Variants in FMNL3 observed in about 807,000 individuals in gnomAD.
FMNL3 encodes formin-like protein 3.
In FMNL3, 57 loss-of-function variants were observed where a neutral mutation model predicts 119.6. The observed-to-expected ratio is 0.48, with a 90% CI of 0.39 to 0.59. The LOEUF (loss-of-function observed/expected upper bound fraction) is 0.59. Among genes scored for constraint, FMNL3 ranks in the 20% least tolerant of loss-of-function variants. The probability of loss-of-function intolerance (pLI) is 0.00; values close to 1 mark genes in which losing one functional copy is unlikely to be tolerated. For missense variants in FMNL3, 1,053 were observed against 1,323.5 expected, an observed-to-expected ratio of 0.80 and a Z score of 3.17; for synonymous variants, 491 against 507.3, an observed-to-expected ratio of 0.97 and a Z score of 0.43.
intron 21 of FMNL3, 143 bp downstream of exon 21, chr12:49,648,886 C>G: frequency 1.5e-6 from 2 of 1,306,430 alleles, no homozygotes; most frequent in Non-Finnish European, 2.0e-6. Context: ...GCTTAAGGCT[C>G]CAGCGGAAAG....
rs752761480 is a variant in FMNL3 at position 49,649,451 on chromosome 12, G to A, written c.2304+19C>T. 1.4e-5 allele frequency: 23 copies of A among 1,613,850 alleles called. No individual in the cohort carries two copies. In the South Asian group the frequency reaches 1.4e-4, roughly 10 times the overall value. On this transcript the variant is annotated intron_variant, in intron 19 of 25. Transcript: ENST00000335154. This position sits in a 1 kb window ranked among gnomAD's most constrained non-coding sequence, Gnocchi z 5.6. ...GGACCTGAAAACCCCCAGCACCCCTGTTCACAACCTCTTCCCACCTCCAAC... is the reference window on the plus strand; with the variant it reads ...GGACCTGAAAACCCCCAGCACCCCTATTCACAACCTCTTCCCACCTCCAAC...
Position 49,636,572 on chromosome 12 carries a change from A to C in FMNL3, c.*9243T>G, listed in dbSNP as rs1592597050. On this transcript the variant is annotated 3_prime_UTR_variant, in exon 26 of 26. Coordinates refer to ENST00000335154, the MANE Select transcript of FMNL3 (RefSeq NM_175736.5). The stretch of plus-strand genomic sequence containing the variant: ...AACTACCATTGCAGTGGCTGCTCCC[A>C]CAGAGCCCCCTCCAGGCCCTTCCCC... 8.8e-6 allele frequency: 9 copies of C among 1,019,454 alleles called. No homozygotes were observed. The allele number at this position is 1,019,454 out of a possible 1,614,324, so 63.2% of individuals were successfully genotyped here.
At position 49,636,703 on chromosome 12, in the gene FMNL3, T is replaced by A. The variant is rs767834251; in HGVS notation, c.*9112A>T. 1.2e-6 allele frequency: 2 copies of A among 1,613,864 alleles called. No individual in the cohort carries two copies. Among genetic ancestry groups the A allele is most frequent in the Non-Finnish European group, 1.7e-6 (2 of 1,179,746 alleles). ...CTGGGACAATGCCCGCGGAACCTCCTGCCTGTCTTTAGACATGGACAAGGA... is the reference window on the plus strand; with the variant it reads ...CTGGGACAATGCCCGCGGAACCTCCAGCCTGTCTTTAGACATGGACAAGGA... On this transcript the variant is annotated 3_prime_UTR_variant, in exon 26 of 26. Transcript: ENST00000335154.
intron 1 of FMNL3, among the ~76,000 whole-genome samples, chr12:49,675,034 GAGAAGGCAAAGGATATTGGCC>G (rs1221492101): frequency 1.3e-5 from 2 of 152,180 alleles, no homozygotes; most frequent in Non-Finnish European, 2.9e-5. Context: ...ACCGGATCCT[GAGAAGGCAAAGGATATTGGCC>G]ATGTCCCCAA....
At chr12:49,681,414 C>T (rs1944330563) in intron 1 of FMNL3, among the ~76,000 whole-genome samples, 1 of 152,092 alleles carries the variant, frequency 6.6e-6, no homozygotes, top group African/African-American at 2.4e-5. Context: ...TGGTCTTGAT[C>T]TCCTGTCCTC....
intron 1 of FMNL3, among the ~76,000 whole-genome samples, chr12:49,680,770 T>C (rs1170993297): frequency 6.6e-6 from 1 of 152,238 alleles, no homozygotes; most frequent in Non-Finnish European, 1.5e-5. Context: ...TCATCTTTTA[T>C]ATGCCAGGCA....
Position 49,642,521 on chromosome 12 carries a change from G to A in FMNL3, c.*3294C>T, listed in dbSNP as rs535989495. ...CCCAGCCCTGCCCTGTGCTCATGGC[G>A]GTGTCCAGGCCAGGCTGAGTGGGGC... On this transcript the variant is annotated 3_prime_UTR_variant, in exon 26 of 26. Transcript: ENST00000335154. The surrounding 1 kb of genome is among the most constrained non-coding windows in gnomAD (Gnocchi z 5.8). The A allele has an allele frequency of 6.0e-5, 96 of 1,592,574 alleles. No individual in the cohort carries two copies. The highest frequency in any genetic ancestry group is 7.6e-5 in the Non-Finnish European group (88 of 1,161,416).
intron 2 of FMNL3, among the ~76,000 whole-genome samples, chr12:49,667,472 A>C (rs143708903): frequency 1.3e-3 from 197 of 152,294 alleles, no homozygotes; most frequent in South Asian, 0.011. Context: ...GAAGCATACT[A>C]CTAGCTTACG....
intron 13 of FMNL3, among the ~76,000 whole-genome samples, chr12:49,652,680 A>G (rs752014537): frequency 5.9e-5 from 9 of 152,242 alleles, no homozygotes; most frequent in African/African-American, 1.9e-4. Context: ...AATGCTCAGC[A>G]GAAGCTGGGC....
At position 49,649,223 on chromosome 12, in the gene FMNL3, C is replaced by A. The variant is rs764731396; in HGVS notation, c.2385+36G>T. On this transcript the variant is annotated intron_variant, in intron 20 of 25. Transcript: ENST00000335154. This position sits in a 1 kb window ranked among gnomAD's most constrained non-coding sequence, Gnocchi z 5.6. The stretch of plus-strand genomic sequence containing the variant: ...CTCTGGCTCCACAACTGCTGCCCCC[C>A]AGGCTTCCTGGCCCACGCTGCCCTC... 78 of 1,613,584 alleles carry A rather than the reference C, an allele frequency of 4.8e-5. No individual in the cohort carries two copies. The highest frequency in any genetic ancestry group is 5.9e-5 in the Non-Finnish European group (70 of 1,179,750).
chr12:49,661,872 T>A, intron 5 of FMNL3, 94 bp downstream of exon 5: 1 of 1,211,124 alleles, frequency 8.3e-7, no homozygotes. Context: ...ATTTCCATCT[T>A]CATTGTTGAA....
In FMNL3 at chr12:49,662,068, C is replaced by T; in HGVS notation, c.369-19G>A. The T allele has an allele frequency of 6.2e-7, 1 of 1,613,402 alleles. No individual in the cohort carries two copies. Among genetic ancestry groups the T allele is most frequent in the South Asian group, 1.1e-5 (1 of 91,068 alleles). On this transcript the variant is annotated intron_variant, in intron 4 of 25. Transcript: ENST00000335154. ...CACCCACCTGCAGATAAAGGAAACA[C>T]AGTGGAAGGGGTCTGCTAAAAGTGG...
chr12:49,682,356 C>T (rs1307513604), intron 1 of FMNL3, among the ~76,000 whole-genome samples: 1 of 152,174 alleles, frequency 6.6e-6, no homozygotes, highest in Non-Finnish European at 1.5e-5. Flanking sequence ...AGGCGTGAGC[C>T]ACCGTGCCTG....
rs144598780 is a variant in FMNL3, at chr12:49,679,801, G to A, written c.127-11247C>T. Among the ~76,000 whole-genome samples, 6 of 152,226 alleles carry A rather than the reference G, an allele frequency of 3.9e-5. 1 individual carries two copies. In the South Asian group the frequency reaches 6.2e-4, roughly 16 times the overall value. ...TTCCCAAAGTGTTGGGATTACAGGC[G>A]TAAGCCACCACACCCAGTGACATTC... On this transcript the variant is annotated intron_variant, in intron 1 of 25. Coordinates refer to ENST00000335154, the MANE Select transcript of FMNL3 (RefSeq NM_175736.5).
In FMNL3 at chr12:49,636,704, G is replaced by A. The variant is rs773522286; in HGVS notation, c.*9111C>T. The A allele has an allele frequency of 6.2e-7, 1 of 1,613,822 alleles. No individual in the cohort carries two copies. Among genetic ancestry groups the A allele is most frequent in the East Asian group, 2.2e-5 (1 of 44,874 alleles). On this transcript the variant is annotated 3_prime_UTR_variant, in exon 26 of 26. Transcript: ENST00000335154. ...TGGGACAATGCCCGCGGAACCTCCTGCCTGTCTTTAGACATGGACAAGGAA... is the reference window on the plus strand; with the variant it reads ...TGGGACAATGCCCGCGGAACCTCCTACCTGTCTTTAGACATGGACAAGGAA...
In FMNL3 at chr12:49,701,752, C is replaced by T. The variant is rs183716160; in HGVS notation, c.126+5303G>A. 9.4e-3 allele frequency among the ~76,000 whole-genome samples: 1,422 copies of T among 151,996 alleles called. 12 individuals carry two copies. The highest frequency in any genetic ancestry group is 0.026 in the South Asian group (124 of 4,806). ...GCCTGGCCAACACATGGTGAAACCC[C>T]GTCTCTACTAAAAACACAAAAATTA... On this transcript the variant is annotated intron_variant, in intron 1 of 25. Transcript: ENST00000335154.
intron 13 of FMNL3, 105 bp from the exon 14 acceptor site, chr12:49,652,317 C>A: frequency 6.8e-7 from 1 of 1,463,784 alleles, no homozygotes. Context: ...GGGTCTCTGT[C>A]AGGGTACTCA....
rs1003623710 is a variant in FMNL3 at position 49,641,003 on chromosome 12, A to G, written c.*4812T>C. ...GAGGAGCACACCTCTGCCATCAGCA[A>G]AAAGGCCAGAGGAGGTGAGAGCTAT... On this transcript the variant is annotated 3_prime_UTR_variant, in exon 26 of 26. Transcript: ENST00000335154. The G allele has an allele frequency of 2.0e-5, 3 of 152,410 alleles. No homozygotes were observed. The highest frequency in any genetic ancestry group is 2.9e-5 in the Non-Finnish European group (2 of 68,074). 9.4% of individuals were successfully genotyped at this position (152,410 alleles called of 1,614,324 possible). A position where few individuals can be genotyped will look rare whatever the true frequency, so the allele number is the denominator to read the frequency against.
rs1942935911 is a variant in FMNL3, at chr12:49,643,449, G to C, written c.*2366C>G. The C allele has an allele frequency of 3.3e-6, 5 of 1,519,952 alleles. No individual in the cohort carries two copies. Among genetic ancestry groups the C allele is most frequent in the Non-Finnish European group, 4.4e-6 (5 of 1,135,558 alleles). The allele number at this position is 1,519,952 out of a possible 1,614,324, so 94.2% of individuals were successfully genotyped here. On this transcript the variant is annotated 3_prime_UTR_variant, in exon 26 of 26. Transcript: ENST00000335154. ...CTGGAGAACTGTTGTCCCAGACTGAGAGGATGCCCTCCACAAGCCCCAGCT... is the reference window on the plus strand; with the variant it reads ...CTGGAGAACTGTTGTCCCAGACTGACAGGATGCCCTCCACAAGCCCCAGCT...
Sources: allele counts gnomAD v4.1 joint callset (sites outside exome capture counted in the v4.1 genomes callset), GRCh38; gene constraint gnomAD v4.1.1; non-coding constraint Gnocchi (gnomAD v3.1); transcripts MANE v1.5; gene names NCBI Gene and HGNC (gene_info 2026-07-23, HGNC 2026-07-21).